The following COL22A1 variants were observed in gnomAD, a reference collection of about 807,000 sequenced individuals.
COL22A1 encodes the protein collagen alpha-1(XXII) chain.
COL22A1 carries 221 observed loss-of-function variants against 248.9 expected under a neutral mutation model. The ratio of observed to expected loss-of-function variants is 0.89; its 90% CI spans 0.80 to 0.99. The LOEUF is 0.99. COL22A1 is among the 50% of genes least tolerant of loss of function. The pLI, the probability that COL22A1 is intolerant of heterozygous loss-of-function variation, is 0.00. For synonymous variants in COL22A1, 891 were observed against 793.4 expected, an observed-to-expected ratio of 1.12 and a Z score of -2.07; for missense variants, 2,240 against 2,179.0, an observed-to-expected ratio of 1.03 and a Z score of -0.56.
chr8:138,664,965 C>T (rs1162774993), intron 41 of COL22A1, among the ~76,000 whole-genome samples: 1 of 152,108 alleles, frequency 6.6e-6, no homozygotes, highest in Non-Finnish European at 1.5e-5. Context: ...CTGCATCTCC[C>T]TGTAGCACAG....
At chr8:138,695,494 C>T (rs1827434862) in intron 32 of COL22A1, among the ~76,000 whole-genome samples, 1 of 152,096 alleles carries the variant, frequency 6.6e-6, no homozygotes, top group Non-Finnish European at 1.5e-5. Flanking sequence ...CACCATCGTG[C>T]CTGGCTCCAA....
At chr8:138,868,014 T>G (rs553304777) in intron 3 of COL22A1, among the ~76,000 whole-genome samples, 1 of 152,264 alleles carries the variant, frequency 6.6e-6, no homozygotes, top group Admixed American at 6.5e-5. Flanking sequence ...CTGCCCACCT[T>G]AGCCTCCCAA....
intron 41 of COL22A1, among the ~76,000 whole-genome samples, chr8:138,667,198 C>T (rs979781256): frequency 2.6e-5 from 4 of 152,174 alleles, no homozygotes; most frequent in East Asian, 3.8e-4. Flanking sequence ...TCTGAAATTA[C>T]GGCCTCTGAT....
At chr8:138,717,440 C>T (rs759995631) in intron 27 of COL22A1, among the ~76,000 whole-genome samples, 1 of 152,088 alleles carries the variant, frequency 6.6e-6, no homozygotes, top group African/African-American at 2.4e-5. Context: ...AGCCACTGCG[C>T]CCGGCCAGAA....
At chr8:138,821,454 C>T in intron 6 of COL22A1, 43 bp from the exon 7 acceptor site, 1 of 1,586,664 alleles carries the variant, frequency 6.3e-7, no homozygotes, top group Non-Finnish European at 8.6e-7. Flanking sequence ...TTCTTGGGGC[C>T]AAGGGAAAAG....
intron 1 of COL22A1, among the ~76,000 whole-genome samples, chr8:138,884,377 C>T (rs1824479298): frequency 6.6e-6 from 1 of 152,130 alleles, no homozygotes; most frequent in South Asian, 2.1e-4. Flanking sequence ...TCAGTAAGTA[C>T]CTATGAAGGA....
chr8:138,703,598 G>A (rs749954215), intron 30 of COL22A1, among the ~76,000 whole-genome samples: 2 of 152,200 alleles, frequency 1.3e-5, no homozygotes, highest in Non-Finnish European at 2.9e-5. Flanking sequence ...GATATGCGTA[G>A]TGGTAGATCA....
intron 21 of COL22A1, 51 bp from the exon 22 acceptor site, chr8:138,751,562 A>G (rs1003766081): frequency 1.5e-6 from 2 of 1,318,004 alleles, no homozygotes; most frequent in East Asian, 2.3e-5. Flanking sequence ...TGGTAAATGC[A>G]GGGCTCAATG....
At position 138,662,040 on chromosome 8, in the gene COL22A1, G is replaced by C. The variant is rs926070310; in HGVS notation, c.3230C>G (p.Ala1077Gly). The stretch of plus-strand genomic sequence containing the variant: ...TTTCTCTGTACTTACGTCCCGGCCG[G>C]CTGGGCCCTGGGGGCCAGGGAATCC... The part of the protein sequence containing the change: ...LPGFPGPQGP[A>G]GRDGAPGNPG... Residue 1077 changes from alanine to glycine, a missense_variant, in exon 43 of 65, where the codon GCC becomes GGC. Physicochemically the swap from Ala to Gly is moderately conservative, Grantham distance 60 (BLOSUM62 0). Transcript: ENST00000303045. 3 of 1,611,536 alleles carry C rather than the reference G, an allele frequency of 1.9e-6. No individual in the cohort carries two copies. The highest frequency in any genetic ancestry group is 3.4e-5 in the Admixed American group (2 of 59,666).
At chr8:138,660,853 T>A (rs62527894) in intron 43 of COL22A1, among the ~76,000 whole-genome samples, 1 of 126,900 alleles carries the variant, frequency 7.9e-6, no homozygotes, top group Non-Finnish European at 1.6e-5. Flanking sequence ...CACACACACA[T>A]ACACAGACAC....
Position 138,830,525 on chromosome 8 carries a change from C to T in COL22A1, c.845+2514G>A, listed in dbSNP as rs562470776. Among the ~76,000 whole-genome samples the T allele has an allele frequency of 1.1e-3, 170 of 152,102 alleles. 1 individual carries two copies. Among genetic ancestry groups the T allele is most frequent in the African/African-American group, 3.8e-3 (158 of 41,474 alleles). On this transcript the variant is annotated intron_variant, in intron 5 of 64. Transcript: ENST00000303045. ...ATTTGATTTTGTTTTGGGTGCTTTGCCATTAAAAAAAATGTGGAAATTCCT... is the reference window on the plus strand; with the variant it reads ...ATTTGATTTTGTTTTGGGTGCTTTGTCATTAAAAAAAATGTGGAAATTCCT...
At chr8:138,874,857 G>C (rs138320274) in intron 3 of COL22A1, among the ~76,000 whole-genome samples, 254 of 152,276 alleles carry the variant, frequency 1.7e-3, no homozygotes, top group African/African-American at 5.8e-3. Context: ...CAAGAGAACT[G>C]TATGCCTTCA....
chr8:138,897,567 T>G lies in COL22A1; in HGVS notation c.-72-14323A>C, dbSNP rs146950233. Among the ~76,000 whole-genome samples the G allele has an allele frequency of 3.6e-4, 54 of 151,896 alleles. No individual in the cohort carries two copies. The South Asian group carries it at 3.7e-3, about 11-fold the overall frequency. ...TGTCTCAAAGTAATAATAATAATAA[T>G]AATAATAAGTAACTTAGTGAAATGG... is the stretch of plus-strand genomic sequence containing the variant. On this transcript the variant is annotated intron_variant, in intron 1 of 64. Transcript: ENST00000303045.
chr8:138,655,518 C>T (rs934928265), intron 45 of COL22A1, among the ~76,000 whole-genome samples: 28 of 152,164 alleles, frequency 1.8e-4, no homozygotes, highest in Non-Finnish European at 3.8e-4. Context: ...GTCACCACAT[C>T]AAGCTAATTT....
At chr8:138,815,750 G>A (rs1013328054) in intron 7 of COL22A1, among the ~76,000 whole-genome samples, 2 of 152,276 alleles carry the variant, frequency 1.3e-5, no homozygotes, top group South Asian at 2.1e-4. Flanking sequence ...CCGTACAATC[G>A]ATGGCTGGGT....
chr8:138,860,701 G>T (rs567632672), intron 3 of COL22A1, among the ~76,000 whole-genome samples: 1 of 152,214 alleles, frequency 6.6e-6, no homozygotes, highest in African/African-American at 2.4e-5. Context: ...CCAGCTATTC[G>T]GGAGGCTGAG....
At chr8:138,671,359 A>G (rs1256910469) in intron 41 of COL22A1, among the ~76,000 whole-genome samples, 1 of 152,240 alleles carries the variant, frequency 6.6e-6, no homozygotes, top group African/African-American at 2.4e-5. Flanking sequence ...AGAAATGTAA[A>G]GAAACATACA....
chr8:138,590,257 A>C (rs1816924622), intron 64 of COL22A1, among the ~76,000 whole-genome samples: 1 of 152,172 alleles, frequency 6.6e-6, no homozygotes, highest in Non-Finnish European at 1.5e-5. Flanking sequence ...ACACAAAGTA[A>C]ACTTTTTACT....
chr8:138,834,628 G>A (rs1384107544), intron 4 of COL22A1, among the ~76,000 whole-genome samples: 3 of 96,024 alleles, frequency 3.1e-5, no homozygotes, highest in Non-Finnish European at 7.1e-5. Context: ...CTGAGCACTG[G>A]CTTTATTTCA....
Sources: allele counts gnomAD v4.1 joint callset (sites outside exome capture counted in the v4.1 genomes callset), GRCh38; gene constraint gnomAD v4.1.1; transcripts MANE v1.5; gene names NCBI Gene and HGNC (gene_info 2026-07-23, HGNC 2026-07-21).